NDUFAF6: variants seen among roughly 807,000 people sequenced by gnomAD.
NDUFAF6 encodes the protein NADH:ubiquinone oxidoreductase complex assembly factor 6, also known as NADH dehydrogenase (ubiquinone) complex I, assembly factor 6.
Under a neutral mutation model 40.8 loss-of-function variants are expected in NDUFAF6, and 45 were observed. The observed-to-expected ratio is 1.10, with a 90% CI of 0.87 to 1.42. The LOEUF is 1.42. NDUFAF6 is among the 40% of genes most tolerant of loss of function. The pLI is 0.00. For missense variants in NDUFAF6, 435 were observed against 418.5 expected, an observed-to-expected ratio of 1.04 and a Z score of -0.34; for synonymous variants, 185 against 155.9, an observed-to-expected ratio of 1.19 and a Z score of -1.39.
chr8:95,114,517 T>A (rs1810086075), intron 4 of NDUFAF6, among the ~76,000 whole-genome samples: 1 of 152,256 alleles, frequency 6.6e-6, no homozygotes, highest in African/African-American at 2.4e-5. Context: ...TTTAAATAAC[T>A]TTAGTCCCAA....
At chr8:94,979,342 T>C (rs1379978697) in intron 1 of NDUFAF6, among the ~76,000 whole-genome samples, 1 of 152,208 alleles carries the variant, frequency 6.6e-6, no homozygotes, top group East Asian at 1.9e-4. Flanking sequence ...GCTTCTTGAC[T>C]TGTGCTTTCC....
intron 1 of NDUFAF6, among the ~76,000 whole-genome samples, chr8:94,965,727 G>A (rs1056893443): frequency 3.9e-5 from 6 of 152,212 alleles, no homozygotes; most frequent in Non-Finnish European, 8.8e-5. Flanking sequence ...GATGTCTAGC[G>A]TGGAAGACTA....
rs141273829 is a variant in NDUFAF6, at chr8:95,112,938, A to G, written n.345-2598A>G. 1.1e-3 allele frequency among the ~76,000 whole-genome samples: 172 copies of G among 152,368 alleles called. 1 individual carries two copies. The highest frequency in any genetic ancestry group is 4.0e-3 in the African/African-American group (168 of 41,592). ...CGATGGAGCAAAGTCCAGATGGCCC[A>G]CTGCCAGGCCAGGCATTGCCCCCTT... On this transcript the variant is annotated intron_variant and non_coding_transcript_variant, in intron 4 of 5. Coordinates refer to the NDUFAF6 transcript ENST00000523184.
chr8:94,997,343 C>CACACACACACACACACACAG, intron 2 of NDUFAF6, among the ~76,000 whole-genome samples: 1 of 90,572 alleles, frequency 1.1e-5, no homozygotes, highest in East Asian at 3.5e-4. Context: ...CACACACACA[C>CACACACACACACACACACAG]AGAGAGAGAG....
chr8:95,025,274 C>T (rs1827964502), intron 1 of NDUFAF6, 69 bp downstream of exon 1: 26 of 1,313,762 alleles, frequency 2.0e-5, no homozygotes, highest in Non-Finnish European at 2.3e-5. Context: ...CTGCGCCTCG[C>T]GTCTGGCCTG....
At chr8:95,020,216 T>C (rs76742739), upstream of NDUFAF6, among the ~76,000 whole-genome samples, 2,160 of 152,240 alleles carry the variant, frequency 0.014, 21 homozygotes, top group South Asian at 0.021. Context: ...ACAAAGGTAA[T>C]TGAGGATAAG....
intron 1 of NDUFAF6, among the ~76,000 whole-genome samples, chr8:94,933,655 A>G (rs761072814): frequency 3.3e-5 from 5 of 151,826 alleles, no homozygotes; most frequent in Non-Finnish European, 7.4e-5. Flanking sequence ...GTCCCAGCTA[A>G]TCGGGAGGCT....
At chr8:94,958,770 C>T (rs115240891) in intron 1 of NDUFAF6, among the ~76,000 whole-genome samples, 2,968 of 152,174 alleles carry the variant, frequency 0.02, 104 homozygotes, top group African/African-American at 0.068. Context: ...CTCAGCCTCC[C>T]GAAGTACTGG....
chr8:95,034,759 A>G (rs756872940), intron 2 of NDUFAF6: 4 of 152,418 alleles, frequency 2.6e-5, no homozygotes, highest in Non-Finnish European at 5.9e-5. Flanking sequence ...CAAGATGTTA[A>G]TACTTTTTCC....
intron 2 of NDUFAF6, among the ~76,000 whole-genome samples, chr8:95,005,554 A>ATATAAATATAT (rs1554657858): frequency 8.7e-6 from 1 of 115,354 alleles, no homozygotes; most frequent in African/African-American, 3.7e-5. Flanking sequence ...TATATATATA[A>ATATAAATATAT]AAAATATATT....
In NDUFAF6 at chr8:94,896,890, T is replaced by A. The variant is rs541112676; in HGVS notation, c.-936+963T>A. On this transcript the variant is annotated intron_variant, in intron 1 of 14. Transcript: ENST00000396113. The stretch of plus-strand genomic sequence containing the variant: ...AATAATTCTCTCCCTAATTTACCTG[T>A]AGGAGCTTTGCCCAAGGTGACAGCA... 7.2e-5 allele frequency among the ~76,000 whole-genome samples: 11 copies of A among 152,308 alleles called. No homozygotes were observed. The East Asian group carries it at 2.1e-3, about 29-fold the overall frequency.
intron 1 of NDUFAF6, among the ~76,000 whole-genome samples, chr8:94,905,293 T>C (rs1348465598): frequency 6.6e-6 from 1 of 152,004 alleles, no homozygotes; most frequent in East Asian, 1.9e-4. Context: ...TTCAGGTTTT[T>C]TTTTTTTTTT....
chr8:95,078,200 G>A (rs1808694346), downstream of NDUFAF6, among the ~76,000 whole-genome samples: 1 of 152,284 alleles, frequency 6.6e-6, no homozygotes, highest in Middle Eastern at 3.4e-3. Context: ...TCTGGCTGGG[G>A]TCGGTCCCCT....
chr8:95,057,983 A>G lies in NDUFAF6; in HGVS notation c.*46A>G, dbSNP rs1212959570. On this transcript the variant is annotated 3_prime_UTR_variant, in exon 9 of 9. Coordinates refer to ENST00000396124, the MANE Select transcript of NDUFAF6 (RefSeq NM_152416.4). Reference sequence around the variant, plus strand: ...GTTAATTCTAGTCTATTAGTTTTATAAAAGTTAGGATTCTTATTTAGGAAC... The same window carrying G: ...GTTAATTCTAGTCTATTAGTTTTATGAAAGTTAGGATTCTTATTTAGGAAC... 6.6e-7 allele frequency: 1 copy of G among 1,525,320 alleles called. No individual in the cohort carries two copies. The highest frequency in any genetic ancestry group is 9.0e-7 in the Non-Finnish European group (1 of 1,113,122). The allele number at this position is 1,525,320 out of a possible 1,614,324, so 94.5% of individuals were successfully genotyped here.
intron 1 of NDUFAF6, among the ~76,000 whole-genome samples, chr8:94,912,342 C>A (rs188962080): frequency 2.6e-5 from 4 of 152,298 alleles, no homozygotes; most frequent in Admixed American, 2.6e-4. Flanking sequence ...GAATTCAGAG[C>A]TTTTCAGATT....
chr8:94,930,296 C>A, intron 1 of NDUFAF6: 1 of 739,908 alleles, frequency 1.4e-6, no homozygotes, highest in Non-Finnish European at 2.1e-6. Context: ...ATGTTAAAGG[C>A]AAGGCATTAT....
intron 7 of NDUFAF6, among the ~76,000 whole-genome samples, chr8:95,050,694 G>A (rs925378473): frequency 1.3e-5 from 2 of 152,200 alleles, no homozygotes; most frequent in Non-Finnish European, 2.9e-5. Flanking sequence ...CCTGCTAGCA[G>A]TGTTTGATGA....
At chr8:95,033,021 AT>A (rs1415898062) in intron 2 of NDUFAF6, among the ~76,000 whole-genome samples, 1 of 152,106 alleles carries the variant, frequency 6.6e-6, no homozygotes, top group African/African-American at 2.4e-5. Flanking sequence ...CTTGGTCTTT[AT>A]TATCATTTTT....
At chr8:94,979,123 C>G (rs114697094) in intron 1 of NDUFAF6, among the ~76,000 whole-genome samples, 1 of 152,292 alleles carries the variant, frequency 6.6e-6, no homozygotes, top group African/African-American at 2.4e-5. Context: ...AACTGAGAGC[C>G]GTCCTGAGGA....
Sources: allele counts gnomAD v4.1 joint callset (sites outside exome capture counted in the v4.1 genomes callset), GRCh38; gene constraint gnomAD v4.1.1; transcripts MANE v1.5; gene names NCBI Gene and HGNC (gene_info 2026-07-23, HGNC 2026-07-21).